IQGAP2: variants seen among roughly 807,000 people sequenced by gnomAD.
IQGAP2 encodes ras GTPase-activating-like protein IQGAP2.
Under a neutral mutation model 201.3 loss-of-function variants are expected in IQGAP2, and 173 were observed. The ratio of observed to expected loss-of-function variants is 0.86; its 90% CI spans 0.76 to 0.98. The LOEUF (loss-of-function observed/expected upper bound fraction) is 0.98, where lower values mean the gene tolerates loss of function less well. Ranked by LOEUF, IQGAP2 falls within the 50% of genes least tolerant of loss-of-function variation. IQGAP2 has a pLI of 0.00. For missense variants in IQGAP2, 1,687 were observed against 1,864.8 expected (o/e 0.90, Z 1.76); for synonymous variants, 675 against 673.9 (o/e 1.00, Z -0.03).
intron 1 of IQGAP2, among the ~76,000 whole-genome samples, chr5:76,411,676 A>G (rs1751128752): frequency 6.6e-6 from 1 of 152,200 alleles, no homozygotes; most frequent in South Asian, 2.1e-4. Context: ...CACCAGTTGC[A>G]GGCCCCTCAA....
At chr5:76,557,842 T>C (rs567109592) in intron 2 of IQGAP2, among the ~76,000 whole-genome samples, 1 of 152,352 alleles carries the variant, frequency 6.6e-6, no homozygotes. Context: ...AGTCTCACTC[T>C]GTCGCCCAGG....
chr5:76,547,870 A>T (rs564196959), intron 2 of IQGAP2, among the ~76,000 whole-genome samples: 2 of 152,026 alleles, frequency 1.3e-5, no homozygotes, highest in Admixed American at 1.3e-4. Context: ...TGGTCAGCTT[A>T]TTTTCCTGCA....
chr5:76,468,197 A>G (rs952538950), intron 2 of IQGAP2, among the ~76,000 whole-genome samples: 1 of 152,140 alleles, frequency 6.6e-6, no homozygotes, highest in Non-Finnish European at 1.5e-5. Flanking sequence ...AATAAGATCA[A>G]TTGGTATTAG....
intron 15 of IQGAP2, among the ~76,000 whole-genome samples, chr5:76,632,334 G>GT (rs1390444581): frequency 2.0e-5 from 3 of 152,114 alleles, no homozygotes; most frequent in African/African-American, 7.2e-5. Context: ...ATAAACAGAT[G>GT]TTTACACTAA....
At chr5:76,602,485 T>C (rs1747495779) in intron 11 of IQGAP2, among the ~76,000 whole-genome samples, 1 of 152,264 alleles carries the variant, frequency 6.6e-6, no homozygotes, top group African/African-American at 2.4e-5. Context: ...CCCATTCTAT[T>C]TGAAAACCAT....
intron 2 of IQGAP2, among the ~76,000 whole-genome samples, chr5:76,541,871 C>T (rs1056652940): frequency 1.3e-5 from 2 of 152,186 alleles, no homozygotes; most frequent in African/African-American, 4.8e-5. Context: ...TCATAGCCAA[C>T]CTTCACTTAT....
intron 9 of IQGAP2, among the ~76,000 whole-genome samples, chr5:76,594,646 A>G (rs1459952755): frequency 6.6e-6 from 1 of 152,204 alleles, no homozygotes; most frequent in Admixed American, 6.5e-5. Flanking sequence ...TGATGACATG[A>G]CAATGAGACA....
intron 8 of IQGAP2, among the ~76,000 whole-genome samples, chr5:76,590,906 G>A (rs567537304): frequency 4.0e-5 from 6 of 151,818 alleles, no homozygotes; most frequent in Admixed American, 2.6e-4. Context: ...GCGCGCTATA[G>A]TGAGACCCTG....
intron 5 of IQGAP2, 31 bp downstream of exon 5, chr5:76,575,800 TAAG>T: frequency 7.9e-7 from 1 of 1,271,130 alleles, no homozygotes; most frequent in Non-Finnish European, 1.1e-6. Flanking sequence ...AAAGGTGCTC[TAAG>T]AAGTAGATTT....
chr5:76,585,583 A>G (rs1001509385), intron 5 of IQGAP2, among the ~76,000 whole-genome samples: 16 of 150,660 alleles, frequency 1.1e-4, no homozygotes, highest in Non-Finnish European at 2.2e-4. Flanking sequence ...GTGCAAATTC[A>G]GCTCACCACA....
At position 76,641,089 on chromosome 5, in the gene IQGAP2, G is replaced by A. The variant is rs1322111725; in HGVS notation, c.2080G>A (p.Val694Met). Residue 694 changes from valine to methionine, a missense_variant, in exon 17 of 36, where the codon GTG (valine) becomes ATG (methionine). By Grantham distance (21) the Val-to-Met change is conservative (BLOSUM62 1). Transcript: ENST00000274364. ...ATTTTTGCATGAACAAGAAGAGAAT[G>A]TGGTCAAAATACAGGTATGTGGATC... ...KSFLHEQEEN[V>M]VKIQAFWKGY... is the part of the protein sequence containing the mutation. The A allele has an allele frequency of 6.2e-7, 1 of 1,600,668 alleles. No individual in the cohort carries two copies. The highest frequency in any genetic ancestry group is 1.7e-5 in the Admixed American group (1 of 59,758).
chr5:76,648,818 T>C (rs892453086), intron 17 of IQGAP2, among the ~76,000 whole-genome samples: 4 of 148,578 alleles, frequency 2.7e-5, no homozygotes, highest in African/African-American at 1.0e-4. Flanking sequence ...AATGAATCAG[T>C]GCACTAGAGA....
chr5:76,679,946 T>C (rs894018363), intron 28 of IQGAP2, among the ~76,000 whole-genome samples: 1 of 152,274 alleles, frequency 6.6e-6, no homozygotes, highest in African/African-American at 2.4e-5. Context: ...GAAAACAAAA[T>C]AGTTGGATAC....
Position 76,466,295 on chromosome 5 carries a change from A to T in IQGAP2, c.146+4626A>T, listed in dbSNP as rs184245578. The stretch of plus-strand genomic sequence containing the variant: ...GGATGCAGTGAGTTACGATCACACC[A>T]CTGCACTCCAGGCTGGATGACAGAG... On this transcript the variant is annotated intron_variant, in intron 2 of 35. Coordinates refer to ENST00000274364, the MANE Select transcript of IQGAP2 (RefSeq NM_006633.5). 2.2e-3 allele frequency among the ~76,000 whole-genome samples: 332 copies of T among 152,320 alleles called. 1 individual carries two copies. The highest frequency in any genetic ancestry group is 3.7e-3 in the Non-Finnish European group (249 of 68,018).
chr5:76,559,284 C>G (rs911959682), intron 2 of IQGAP2, among the ~76,000 whole-genome samples: 1 of 152,156 alleles, frequency 6.6e-6, no homozygotes, highest in African/African-American at 2.4e-5. Context: ...TCTTCCTTCC[C>G]GTTTCTTCCT....
At chr5:76,588,169 T>TAAAAATCA (rs1188597432) in intron 5 of IQGAP2, among the ~76,000 whole-genome samples, 1 of 152,190 alleles carries the variant, frequency 6.6e-6, no homozygotes, top group Non-Finnish European at 1.5e-5. Flanking sequence ...TTTCAAGCCA[T>TAAAAATCA]AAAAATCATT....
At position 76,514,785 on chromosome 5, in the gene IQGAP2, T is replaced by TGATGGTTA. The variant is rs1478366329; in HGVS notation, c.147-47610_147-47603dup. On this transcript the variant is annotated intron_variant, in intron 2 of 35. Transcript: ENST00000274364. ...CCCCTCAGTTGGACTGTAGGTTACCTGATGGTTAAGACTAAGACTGTTTTC... is the reference window on the plus strand; with the variant it reads ...CCCCTCAGTTGGACTGTAGGTTACCTGATGGTTAGATGGTTAAGACTAAGACTGTTTTC... 2.0e-5 allele frequency among the ~76,000 whole-genome samples: 3 copies of TGATGGTTA among 152,334 alleles called. No homozygotes were observed. The East Asian group carries it at 5.8e-4, about 29-fold the overall frequency.
intron 2 of IQGAP2, among the ~76,000 whole-genome samples, chr5:76,464,668 T>C (rs1754675005): frequency 6.6e-6 from 1 of 152,152 alleles, no homozygotes. Context: ...ATATCTTTTA[T>C]TTTGGTTTTA....
intron 1 of IQGAP2, among the ~76,000 whole-genome samples, chr5:76,436,904 A>G (rs1752739968): frequency 6.6e-6 from 1 of 151,798 alleles, no homozygotes. Context: ...TTATATGTTT[A>G]TGTTATACAT....
Sources: gnomAD v4.1 joint callset for allele counts (sites outside exome capture counted in the v4.1 genomes callset) on GRCh38, gnomAD v4.1.1 for gene constraint, MANE v1.5 for transcripts, NCBI Gene and HGNC (gene_info 2026-07-23, HGNC 2026-07-21) for gene names.